The following NCKAP5 variants were observed in gnomAD, a reference collection of about 807,000 sequenced individuals.
The protein encoded by NCKAP5 is NCK associated protein 5, also known as nck-associated protein 5.
NCKAP5 carries 92 observed loss-of-function variants against 167.0 expected under a neutral mutation model. That is an observed-to-expected ratio of 0.55 (90% confidence interval 0.47 to 0.66). The LOEUF (loss-of-function observed/expected upper bound fraction) is 0.66, where lower values mean the gene tolerates loss of function less well. Ranked by LOEUF, NCKAP5 falls within the 30% of genes least tolerant of loss-of-function variation. The pLI is 0.00. For missense variants in NCKAP5, 2,378 were observed against 2,315.0 expected, an observed-to-expected ratio of 1.03 and a Z score of -0.56; for synonymous variants, 891 against 877.4, an observed-to-expected ratio of 1.02 and a Z score of -0.27.
chr2:133,411,800 C>T (rs1195139470), intron 3 of NCKAP5, among the ~76,000 whole-genome samples: 1 of 152,156 alleles, frequency 6.6e-6, no homozygotes, highest in African/African-American at 2.4e-5. Context: ...AAGTATTTAG[C>T]TCTAGCAAAA....
chr2:133,183,949 A>G lies in NCKAP5; in HGVS notation c.207+29767T>C, dbSNP rs546429011. ...AGCAAGTATGTGCAAAACAAAATTT[A>G]TATTTTTATTTTTATTTTTTTTCTA... On this transcript the variant is annotated intron_variant, in intron 5 of 19. Transcript: ENST00000409261. 6.0e-3 allele frequency among the ~76,000 whole-genome samples: 919 copies of G among 152,230 alleles called. 5 individuals are homozygous for G. The highest frequency in any genetic ancestry group is 0.021 in the African/African-American group (862 of 41,556).
chr2:133,077,180 C>A (rs141646026), intron 6 of NCKAP5, among the ~76,000 whole-genome samples: 65 of 152,294 alleles, frequency 4.3e-4, no homozygotes, highest in African/African-American at 1.5e-3. Context: ...TGTAATACTT[C>A]TGTGAAAGGC....
intron 8 of NCKAP5, among the ~76,000 whole-genome samples, chr2:132,881,328 C>A (rs1054073919): frequency 2.0e-5 from 3 of 151,996 alleles, no homozygotes. Context: ...GTGACCACCA[C>A]CACACCTGGC....
chr2:133,667,940 C>T, the NCKAP5 span, among the ~76,000 whole-genome samples: 1 of 152,156 alleles, frequency 6.6e-6, no homozygotes, highest in Non-Finnish European at 1.5e-5. Flanking sequence ...AGTTACTTCC[C>T]AGTATCCCTT....
rs530745993 is a variant in NCKAP5 at position 132,974,289 on chromosome 2, C to G, written c.430-10420G>C. Reference sequence around the variant, plus strand: ...GTCAAATCCACCTACTAATTCATAGCAACAATATAAAAAGCTATAATTTAG... The same window carrying G: ...GTCAAATCCACCTACTAATTCATAGGAACAATATAAAAAGCTATAATTTAG... On this transcript the variant is annotated intron_variant, in intron 7 of 19. Transcript: ENST00000409261. Among the ~76,000 whole-genome samples the G allele has an allele frequency of 3.9e-5, 6 of 152,232 alleles. No homozygotes were observed. In the East Asian group the frequency reaches 1.2e-3, roughly 29 times the overall value.
At chr2:133,283,673 G>T (rs2090007261) in intron 4 of NCKAP5, among the ~76,000 whole-genome samples, 1 of 151,088 alleles carries the variant, frequency 6.6e-6, no homozygotes, top group Admixed American at 6.6e-5. Flanking sequence ...TGCAATGGCA[G>T]GATCTCGGCT....
rs1294048832 is a variant in NCKAP5 at position 133,561,950 on chromosome 2, C to T, written c.-129-2833G>A. On this transcript the variant is annotated intron_variant, in intron 1 of 19. Transcript: ENST00000409261. ...ATGTGATCATAGTGATTTGACTCAA[C>T]GTAAACAATATTTGTAATCAAAACA... Among the ~76,000 whole-genome samples the T allele has an allele frequency of 7.9e-5, 12 of 151,924 alleles. No homozygotes were observed. In the South Asian group the frequency reaches 1.0e-3, roughly 13 times the overall value.
intron 3 of NCKAP5, among the ~76,000 whole-genome samples, chr2:133,344,540 G>C (rs973465867): frequency 6.6e-6 from 1 of 152,106 alleles, no homozygotes; most frequent in African/African-American, 2.4e-5. Flanking sequence ...TCTGCAAAAG[G>C]GAAAACAGGA....
chr2:132,910,474 A>G (rs1420960632), intron 8 of NCKAP5, among the ~76,000 whole-genome samples: 1 of 152,066 alleles, frequency 6.6e-6, no homozygotes, highest in East Asian at 1.9e-4. Context: ...CATGAGTTCA[A>G]TTATTTTAAT....
In NCKAP5 at chr2:133,366,331, C is replaced by A. The variant is rs370526094; in HGVS notation, c.70-63221G>T. ...TTTGTTGTTGTTGTTAAGACAGAGT[C>A]TTGCTCTGTTGCCCAGGCTGCAGTG... On this transcript the variant is annotated intron_variant, in intron 3 of 19. Coordinates refer to ENST00000409261, the MANE Select transcript of NCKAP5 (RefSeq NM_207363.3). 1.3e-4 allele frequency among the ~76,000 whole-genome samples: 20 copies of A among 152,260 alleles called. No individual in the cohort carries two copies. The East Asian group carries it at 2.7e-3, about 21-fold the overall frequency.
intron 6 of NCKAP5, among the ~76,000 whole-genome samples, chr2:132,997,190 A>G (rs1332306211): frequency 6.6e-6 from 1 of 152,234 alleles, no homozygotes; most frequent in Non-Finnish European, 1.5e-5. Flanking sequence ...ACTCAGCAGC[A>G]GAGTGAGGAA....
At chr2:132,727,135 G>A (rs1690535512) in intron 18 of NCKAP5, among the ~76,000 whole-genome samples, 1 of 152,214 alleles carries the variant, frequency 6.6e-6, no homozygotes, top group South Asian at 2.1e-4. Flanking sequence ...ATGAGGAAGG[G>A]AATCCTAGAG....
chr2:133,593,359 T>G, the NCKAP5 span, among the ~76,000 whole-genome samples: 1 of 151,962 alleles, frequency 6.6e-6, no homozygotes, highest in African/African-American at 2.4e-5. Context: ...AGCTTGAAAT[T>G]TTCTGACAAA....
At chr2:133,347,371 T>C (rs1684050808) in intron 3 of NCKAP5, among the ~76,000 whole-genome samples, 1 of 151,938 alleles carries the variant, frequency 6.6e-6, no homozygotes, top group African/African-American at 2.4e-5. Context: ...CTGACCCACA[T>C]GGAGAAACCC....
At chr2:132,887,202 C>G (rs1005884111) in intron 8 of NCKAP5, among the ~76,000 whole-genome samples, 1 of 152,094 alleles carries the variant, frequency 6.6e-6, no homozygotes, top group Non-Finnish European at 1.5e-5. Flanking sequence ...CTCTTAGTAT[C>G]TATTGGTAAT....
At chr2:133,143,433 T>C (rs1201241997) in intron 5 of NCKAP5, among the ~76,000 whole-genome samples, 2 of 152,146 alleles carry the variant, frequency 1.3e-5, no homozygotes, top group African/African-American at 2.4e-5. Flanking sequence ...ATTGAATAAA[T>C]AAAAACACAA....
At chr2:132,991,793 C>T (rs904572683) in intron 7 of NCKAP5, among the ~76,000 whole-genome samples, 1 of 152,102 alleles carries the variant, frequency 6.6e-6, no homozygotes, top group African/African-American at 2.4e-5. Context: ...CTAATGACAC[C>T]CCATATTATG....
At chr2:133,170,439 C>T (rs1236686067) in intron 5 of NCKAP5, among the ~76,000 whole-genome samples, 2 of 152,160 alleles carry the variant, frequency 1.3e-5, no homozygotes, top group African/African-American at 2.4e-5. Flanking sequence ...AATGGTTTGT[C>T]ATCATCATCC....
intron 4 of NCKAP5, among the ~76,000 whole-genome samples, chr2:133,275,931 C>T (rs1464487345): frequency 6.6e-6 from 1 of 151,768 alleles, no homozygotes; most frequent in African/African-American, 2.4e-5. Flanking sequence ...TCTACTTATA[C>T]ACAGATTTTT....
Sources: gnomAD v4.1 joint callset for allele counts (sites outside exome capture counted in the v4.1 genomes callset) on GRCh38, gnomAD v4.1.1 for gene constraint, MANE v1.5 for transcripts, NCBI Gene and HGNC (gene_info 2026-07-23, HGNC 2026-07-21) for gene names.